The following PTPRT variants were observed in gnomAD, a reference collection of about 807,000 sequenced individuals.
PTPRT encodes protein tyrosine phosphatase receptor type T, also known as receptor-type tyrosine-protein phosphatase T.
Under a neutral mutation model 176.8 loss-of-function variants are expected in PTPRT, and 56 were observed. That is an observed-to-expected ratio of 0.32 (90% confidence interval 0.26 to 0.40). PTPRT has a LOEUF of 0.40. PTPRT is among the 10% of genes least tolerant of loss of function. The pLI, the probability that PTPRT is intolerant of heterozygous loss-of-function variation, is 1.00. For synonymous variants in PTPRT, 783 were observed against 739.0 expected (o/e 1.06, Z -0.96); for missense variants, 1,540 against 1,908.2 (o/e 0.81, Z 3.60).
At chr20:42,731,726 G>T (rs2076463617) in intron 6 of PTPRT, among the ~76,000 whole-genome samples, 1 of 152,124 alleles carries the variant, frequency 6.6e-6, no homozygotes, top group Admixed American at 6.5e-5. Context: ...GGCCTCTAAG[G>T]TCTTAAGTGA....
At chr20:42,647,423 TC>T (rs1229350655) in intron 7 of PTPRT, among the ~76,000 whole-genome samples, 1 of 152,132 alleles carries the variant, frequency 6.6e-6, no homozygotes, top group Non-Finnish European at 1.5e-5. Context: ...ACCCCTGGTG[TC>T]CCGTCAACAG....
chr20:42,549,696 G>T (rs529642047), intron 7 of PTPRT, among the ~76,000 whole-genome samples: 1 of 152,290 alleles, frequency 6.6e-6, no homozygotes, highest in East Asian at 1.9e-4. Flanking sequence ...ATGCCCCTCA[G>T]TGGCAAACCC....
In PTPRT at chr20:42,080,015, A is replaced by G. The variant is rs142814003; in HGVS notation, c.*864T>C. ...ACACTTTGGAAAATAATCAAATCTTATCTTGTTTGTCTCTTCCAAAGAAAG... is the reference window on the plus strand; with the variant it reads ...ACACTTTGGAAAATAATCAAATCTTGTCTTGTTTGTCTCTTCCAAAGAAAG... On this transcript the variant is annotated 3_prime_UTR_variant, in exon 31 of 31. Coordinates refer to ENST00000373187, the MANE Select transcript of PTPRT (RefSeq NM_007050.6). The G allele has an allele frequency of 4.3e-6, 1 of 232,680 alleles. No homozygotes were observed. Among genetic ancestry groups the G allele is most frequent in the Non-Finnish European group, 8.5e-6 (1 of 117,660 alleles). 14.4% of individuals were successfully genotyped at this position (232,680 alleles called of 1,614,324 possible).
chr20:42,947,323 A>G (rs930340236), intron 1 of PTPRT, among the ~76,000 whole-genome samples: 1 of 152,198 alleles, frequency 6.6e-6, no homozygotes, highest in African/African-American at 2.4e-5. Context: ...CCCTCCTTGC[A>G]TCTTGCAAAG....
chr20:42,990,249 GA>G (rs1037811009), intron 1 of PTPRT, among the ~76,000 whole-genome samples: 1 of 152,150 alleles, frequency 6.6e-6, no homozygotes, highest in African/African-American at 2.4e-5. Context: ...GTTTTATTGG[GA>G]AAAAATCTAT....
chr20:42,317,031 C>G (rs538117409), intron 11 of PTPRT, among the ~76,000 whole-genome samples: 100 of 152,180 alleles, frequency 6.6e-4, no homozygotes, highest in Non-Finnish European at 8.5e-4. Flanking sequence ...TCTCCACCCC[C>G]ACCCCATACT....
At chr20:42,526,695 T>C (rs2072273374) in intron 7 of PTPRT, among the ~76,000 whole-genome samples, 1 of 152,092 alleles carries the variant, frequency 6.6e-6, no homozygotes, top group South Asian at 2.1e-4. Context: ...TCTGTTCTGG[T>C]ATCTCTAAAA....
chr20:42,678,369 C>T (rs1470873935), intron 6 of PTPRT, among the ~76,000 whole-genome samples: 1 of 152,118 alleles, frequency 6.6e-6, no homozygotes, highest in Non-Finnish European at 1.5e-5. Context: ...GGGGCCATTT[C>T]GGCTCACTGC....
intron 1 of PTPRT, among the ~76,000 whole-genome samples, chr20:42,996,819 A>G (rs1046321069): frequency 6.6e-6 from 1 of 152,226 alleles, no homozygotes; most frequent in Non-Finnish European, 1.5e-5. Flanking sequence ...CATAATAGCT[A>G]TATGTCTCAG....
chr20:43,075,283 A>G (rs2011245939), intron 1 of PTPRT, among the ~76,000 whole-genome samples: 1 of 152,262 alleles, frequency 6.6e-6, no homozygotes, highest in Non-Finnish European at 1.5e-5. Flanking sequence ...GCAGCGTTTC[A>G]AGTGCATATG....
At chr20:42,675,107 C>T (rs1050913072) in intron 7 of PTPRT, among the ~76,000 whole-genome samples, 7 of 152,164 alleles carry the variant, frequency 4.6e-5, no homozygotes, top group African/African-American at 1.4e-4. Context: ...CTGAGCCACA[C>T]CTTTTTCCCC....
chr20:42,521,791 T>A (rs1238440172), intron 7 of PTPRT, among the ~76,000 whole-genome samples: 2 of 152,194 alleles, frequency 1.3e-5, no homozygotes, highest in African/African-American at 4.8e-5. Context: ...AATAAATATA[T>A]CACTTTATTT....
intron 1 of PTPRT, among the ~76,000 whole-genome samples, chr20:43,051,625 TAAAAAA>T (rs35885799): frequency 4.9e-4 from 45 of 91,946 alleles, no homozygotes; most frequent in African/African-American, 1.8e-3. Flanking sequence ...TCTGTAACTG[TAAAAAA>T]AAAAAAAAAA....
chr20:42,813,155 C>T (rs964522382), intron 2 of PTPRT, among the ~76,000 whole-genome samples: 2 of 152,048 alleles, frequency 1.3e-5, no homozygotes, highest in Admixed American at 6.5e-5. Flanking sequence ...CCTATTAATG[C>T]TATTTTGGGC....
intron 1 of PTPRT, among the ~76,000 whole-genome samples, chr20:43,152,178 A>G (rs973687632): frequency 3.9e-5 from 6 of 152,172 alleles, no homozygotes; most frequent in Non-Finnish European, 7.3e-5. Flanking sequence ...GACTAAGTAA[A>G]TAAGTGTACA....
At chr20:42,823,053 A>G (rs2077926338) in intron 2 of PTPRT, among the ~76,000 whole-genome samples, 1 of 152,198 alleles carries the variant, frequency 6.6e-6, no homozygotes, top group African/African-American at 2.4e-5. Context: ...ACCCAGAGGA[A>G]CGCAAATCAT....
intron 2 of PTPRT, among the ~76,000 whole-genome samples, chr20:42,831,279 A>C (rs2078081902): frequency 6.6e-6 from 1 of 152,224 alleles, no homozygotes; most frequent in African/African-American, 2.4e-5. Context: ...CAATGGGGAA[A>C]GGACTCCCTG....
intron 18 of PTPRT, among the ~76,000 whole-genome samples, chr20:42,131,618 G>A (rs1164770381): frequency 1.3e-5 from 2 of 152,206 alleles, no homozygotes; most frequent in South Asian, 2.1e-4. Context: ...GTTTGACAAC[G>A]TCTCTCCTTC....
intron 1 of PTPRT, among the ~76,000 whole-genome samples, chr20:43,123,686 T>C (rs1386733528): frequency 6.6e-6 from 1 of 152,168 alleles, no homozygotes; most frequent in Non-Finnish European, 1.5e-5. Context: ...AGAAATCAAT[T>C]TTTATCTTGT....
Sources: gnomAD v4.1 joint callset for allele counts (sites outside exome capture counted in the v4.1 genomes callset) on GRCh38, gnomAD v4.1.1 for gene constraint, MANE v1.5 for transcripts, NCBI Gene and HGNC (gene_info 2026-07-23, HGNC 2026-07-21) for gene names.